The following TSHR variants were observed in gnomAD, a reference collection of about 807,000 sequenced individuals.
TSHR encodes thyroid stimulating hormone receptor, also known as thyrotropin receptor.
TSHR carries 51 observed loss-of-function variants against 64.1 expected under a neutral mutation model. That is an observed-to-expected ratio of 0.80 (90% CI 0.64 to 1.01). The LOEUF (loss-of-function observed/expected upper bound fraction) is 1.01, where lower values mean the gene tolerates loss of function less well. TSHR is among the 50% of genes least tolerant of loss of function. TSHR has a pLI of 0.00. For missense variants in TSHR, 877 were observed against 942.8 expected (o/e 0.93, Z 0.91); for synonymous variants, 361 against 361.9 (o/e 1.00, Z 0.03).
At chr14:81,024,778 G>A (rs1029861531) in intron 1 of TSHR, among the ~76,000 whole-genome samples, 2 of 152,126 alleles carry the variant, frequency 1.3e-5, no homozygotes, top group African/African-American at 4.8e-5. Flanking sequence ...ACATCAAGCA[G>A]TTCAACTTTT....
At chr14:81,052,732 T>G (rs1487967374) in intron 1 of TSHR, 1 of 152,188 alleles carries the variant, frequency 6.6e-6, no homozygotes, top group East Asian at 1.9e-4. Context: ...GTTTTATAGT[T>G]TTCAGTGTAT....
At chr14:80,996,340 T>A (rs1889019785) in intron 1 of TSHR, among the ~76,000 whole-genome samples, 1 of 152,172 alleles carries the variant, frequency 6.6e-6, no homozygotes, top group South Asian at 2.1e-4. Flanking sequence ...TGGATTACCT[T>A]TAAATGAGCT....
At chr14:81,042,090 G>A (rs1472648271) in intron 1 of TSHR, among the ~76,000 whole-genome samples, 1 of 152,104 alleles carries the variant, frequency 6.6e-6, no homozygotes, top group East Asian at 1.9e-4. Flanking sequence ...AAGTCACAAT[G>A]AGATATCACC....
chr14:80,974,681 G>T (rs1354799813), intron 1 of TSHR, among the ~76,000 whole-genome samples: 1 of 152,162 alleles, frequency 6.6e-6, no homozygotes, highest in Non-Finnish European at 1.5e-5. Flanking sequence ...ACTTGTGAAG[G>T]ATTCCTTTTA....
chr14:81,096,602 A>C (rs758711274), intron 6 of TSHR, 37 bp from the exon 7 acceptor site: 14 of 1,603,866 alleles, frequency 8.7e-6, no homozygotes, highest in Non-Finnish European at 9.4e-6. Context: ...ACCACTTCTC[A>C]CCAGTCACTG....
chr14:81,107,272 T>C (rs2024426), intron 7 of TSHR: 96,819 of 151,958 alleles, frequency 0.64, 31,211 homozygotes, highest in South Asian at 0.73. Flanking sequence ...ACCCCGTAAG[T>C]AGAATAATGG....
At chr14:80,991,157 TAATTA>T (rs1888707332) in intron 1 of TSHR, among the ~76,000 whole-genome samples, 1 of 152,234 alleles carries the variant, frequency 6.6e-6, no homozygotes, top group Non-Finnish European at 1.5e-5. Context: ...TAAACTCTTC[TAATTA>T]AATTACTCAA....
intron 1 of TSHR, among the ~76,000 whole-genome samples, chr14:81,020,366 A>G (rs528163930): frequency 5.9e-5 from 9 of 152,316 alleles, no homozygotes; most frequent in Non-Finnish European, 2.9e-5. Flanking sequence ...CAGGTGAGTG[A>G]GCAAAGCTTC....
chr14:80,994,638 C>T (rs1448309128), intron 1 of TSHR: 1 of 152,144 alleles, frequency 6.6e-6, no homozygotes, highest in Non-Finnish European at 1.5e-5. Flanking sequence ...GAAAGGATTC[C>T]CTGTTCAATA....
At chr14:80,965,024 GGAA>G (rs1887226940) in intron 1 of TSHR, among the ~76,000 whole-genome samples, 2 of 152,210 alleles carry the variant, frequency 1.3e-5, no homozygotes, top group South Asian at 2.1e-4. Flanking sequence ...AGTGTCCAGG[GGAA>G]GAAGAAGAGA....
At chr14:80,973,427 A>AAAAAAAAAAAAAAAAAAAAAAAAAAAAG (rs1226196641) in intron 1 of TSHR, among the ~76,000 whole-genome samples, 1 of 144,418 alleles carries the variant, frequency 6.9e-6, no homozygotes, top group Non-Finnish European at 1.5e-5. Flanking sequence ...AAAAAAAAAA[A>AAAAAAAAAAAAAAAAAAAAAAAAAAAAG]AATCTGTGTA....
At position 81,144,721 on chromosome 14, in the gene TSHR, G is replaced by A. The variant is rs1891865520; in HGVS notation, c.*368G>A. 1 of 271,486 alleles carries A rather than the reference G, an allele frequency of 3.7e-6. No homozygotes were observed. Among genetic ancestry groups the A allele is most frequent in the Admixed American group, 4.8e-5 (1 of 20,684 alleles). The allele number at this position is 271,486 out of a possible 1,614,324, so 16.8% of individuals were successfully genotyped here. ...GTTTTGTATAACATTTCATACTAAA[G>A]ATTCAGCAAATGGAAAATGCTATTA... On this transcript the variant is annotated 3_prime_UTR_variant, in exon 10 of 10. Transcript: ENST00000298171.
At chr14:81,112,467 G>A (rs953513343) in intron 8 of TSHR, among the ~76,000 whole-genome samples, 1 of 151,972 alleles carries the variant, frequency 6.6e-6, no homozygotes, top group African/African-American at 2.4e-5. Context: ...CTGCTCACAA[G>A]TATCATGAGA....
chr14:81,108,546 A>C (rs1890066909), intron 8 of TSHR, 94 bp downstream of exon 8: 2 of 1,611,324 alleles, frequency 1.2e-6, no homozygotes, highest in East Asian at 4.5e-5. Context: ...TCTTATGTTC[A>C]AGGGTAGAAA....
At chr14:80,964,890 A>G (rs1338529889) in intron 1 of TSHR, among the ~76,000 whole-genome samples, 2 of 152,210 alleles carry the variant, frequency 1.3e-5, no homozygotes, top group African/African-American at 2.4e-5. Flanking sequence ...AACAGTTACT[A>G]CTGTTACTAC....
intron 1 of TSHR, among the ~76,000 whole-genome samples, chr14:81,028,090 G>T (rs146366941): frequency 3.0e-4 from 45 of 152,222 alleles, no homozygotes; most frequent in African/African-American, 9.6e-4. Context: ...TAAAGGAAGA[G>T]AGACCTTACG....
At position 81,028,617 on chromosome 14, in the gene TSHR, AG is replaced by A. The variant is rs1337317120; in HGVS notation, c.171-33530del. Among the ~76,000 whole-genome samples, 25 of 152,236 alleles carry A rather than the reference AG, an allele frequency of 1.6e-4. No individual in the cohort carries two copies. The South Asian group carries it at 5.2e-3, about 32-fold the overall frequency. On this transcript the variant is annotated intron_variant, in intron 1 of 9. Transcript: ENST00000298171. ...TGGATTACGGTAATATAAGATTGCT[AG>A]TTCCCCTAACCAACTGCCATGAGCA...
chr14:81,133,531 T>G (rs1287323630), intron 8 of TSHR, among the ~76,000 whole-genome samples: 1 of 152,122 alleles, frequency 6.6e-6, no homozygotes, highest in African/African-American at 2.4e-5. Flanking sequence ...TGTACTCTAT[T>G]TATGCAAAAT....
intron 1 of TSHR, among the ~76,000 whole-genome samples, chr14:81,059,063 T>C (rs1444074515): frequency 1.3e-5 from 2 of 152,134 alleles, no homozygotes; most frequent in Non-Finnish European, 2.9e-5. Flanking sequence ...CCGGAGCACA[T>C]GTGTCTGGGG....
Sources: gnomAD v4.1 joint callset for allele counts (sites outside exome capture counted in the v4.1 genomes callset) on GRCh38, gnomAD v4.1.1 for gene constraint, MANE v1.5 for transcripts, NCBI Gene and HGNC (gene_info 2026-07-23, HGNC 2026-07-21) for gene names.